BBOF1: variants seen among roughly 807,000 people sequenced by gnomAD.
The protein encoded by BBOF1 is basal body orientation factor 1.
Under a neutral mutation model 68.0 loss-of-function variants are expected in BBOF1, and 62 were observed. That is an observed-to-expected ratio of 0.91 (90% CI 0.74 to 1.13). The LOEUF (loss-of-function observed/expected upper bound fraction) is 1.13, where lower values mean the gene tolerates loss of function less well. Ranked by LOEUF, BBOF1 falls within the 50% of genes most tolerant of loss-of-function variation. The pLI is 0.00. For missense variants in BBOF1, 534 were observed against 600.1 expected, an observed-to-expected ratio of 0.89 and a Z score of 1.15; for synonymous variants, 208 against 198.8, an observed-to-expected ratio of 1.05 and a Z score of -0.39.
intron 2 of BBOF1, among the ~76,000 whole-genome samples, chr14:74,023,396 C>T (rs887772010): frequency 1.3e-5 from 2 of 152,074 alleles, no homozygotes; most frequent in African/African-American, 4.8e-5. Context: ...CATAAGGGAA[C>T]TTTATGATCT....
chr14:74,053,332 C>T lies in BBOF1; in HGVS notation c.1287-2252C>T, dbSNP rs188993496. Among the ~76,000 whole-genome samples, 224 of 151,280 alleles carry T rather than the reference C, an allele frequency of 1.5e-3. 1 individual carries two copies. The highest frequency in any genetic ancestry group is 5.2e-3 in the African/African-American group (215 of 41,210). ...TTCACCATGTCAGCCAAGAAGGTCT[C>T]GCTCTCCTGACCTTGTGATCTGCCT... On this transcript the variant is annotated intron_variant, in intron 8 of 11. Coordinates refer to ENST00000394009, the MANE Select transcript of BBOF1 (RefSeq NM_025057.3).
chr14:74,067,534 G>T, downstream of BBOF1: 1 of 1,614,064 alleles, frequency 6.2e-7, no homozygotes, highest in Non-Finnish European at 8.5e-7. Context: ...TTTCCTTATT[G>T]GCATCTGGCA....
chr14:74,029,213 A>G lies in BBOF1; in HGVS notation c.315A>G (p.Glu105=). Residue 105 remains glutamate (E), a synonymous_variant, in exon 3 of 12, where the codon GAA becomes GAG. Coordinates refer to ENST00000394009, the MANE Select transcript of BBOF1 (RefSeq NM_025057.3). The stretch of plus-strand genomic sequence containing the variant: ...AAAAACTGAAACAGCAATTAAATGA[A>G]ACAAAGGAAAAAGCCCAAGAGGAGA... The part of the protein sequence containing the change: ...MIEKLKQQLN[E]TKEKAQEEKD... The G allele has an allele frequency of 6.4e-7, 1 of 1,562,758 alleles. No homozygotes were observed. Among genetic ancestry groups the G allele is most frequent in the African/African-American group, 1.4e-5 (1 of 73,948 alleles).
At chr14:74,079,230 A>G (rs1249926121) in intron 10 of BBOF1, among the ~76,000 whole-genome samples, 1 of 151,488 alleles carries the variant, frequency 6.6e-6, no homozygotes, top group Non-Finnish European at 1.5e-5. Context: ...TAATCCCAGC[A>G]CTTTGGGAGG....
At chr14:74,071,493 C>A in intron 9 of BBOF1, 2 of 1,613,830 alleles carry the variant, frequency 1.2e-6, no homozygotes, top group South Asian at 2.2e-5. Flanking sequence ...CATGCTCAAC[C>A]ACCTCTGGAA....
intron 2 of BBOF1, among the ~76,000 whole-genome samples, chr14:74,024,714 C>T (rs1309835751): frequency 6.6e-6 from 1 of 151,960 alleles, no homozygotes; most frequent in Admixed American, 6.6e-5. Context: ...GATCCACCCG[C>T]GTTGGCCTCC....
chr14:74,057,490 G>T, intron 11 of BBOF1: 1 of 1,411,554 alleles, frequency 7.1e-7, no homozygotes, highest in Non-Finnish European at 9.2e-7. Flanking sequence ...GAAACCTATA[G>T]GTTGCCTTTT....
chr14:74,071,794 C>A, intron 9 of BBOF1: 1 of 1,496,670 alleles, frequency 6.7e-7, no homozygotes, highest in Non-Finnish European at 9.3e-7. Flanking sequence ...CATGGGATGG[C>A]AAAATCTATG....
chr14:74,037,909 C>T (rs1358807231), intron 4 of BBOF1, among the ~76,000 whole-genome samples: 1 of 150,794 alleles, frequency 6.6e-6, no homozygotes, highest in East Asian at 2.0e-4. Context: ...GAGCTGAGAT[C>T]GTGCCATTGC....
chr14:74,078,845 A>G (rs896306353), intron 10 of BBOF1, among the ~76,000 whole-genome samples: 3 of 151,260 alleles, frequency 2.0e-5, no homozygotes, highest in Non-Finnish European at 4.4e-5. Context: ...TTGTATTTTT[A>G]GTAGAGACAG....
At position 74,049,986 on chromosome 14, in the gene BBOF1, G is replaced by A. The variant is rs1415636690; in HGVS notation, c.1077G>A (p.Val359=). The A allele has an allele frequency of 1.9e-6, 3 of 1,613,998 alleles. No homozygotes were observed. The highest frequency in any genetic ancestry group is 3.3e-5 in the Admixed American group (2 of 59,984). ...AKNILDERTE[V]ERFFLDALHQ... ...ACATACTGGATGAGAGAACAGAAGTGGAAAGATTCTTTTTAGATGCTCTGC... is the reference window on the plus strand; with the variant it reads ...ACATACTGGATGAGAGAACAGAAGTAGAAAGATTCTTTTTAGATGCTCTGC... Residue 359 remains valine, a synonymous_variant, in exon 8 of 12, where the codon GTG becomes GTA. Transcript: ENST00000394009.
intron 2 of BBOF1, among the ~76,000 whole-genome samples, chr14:74,028,568 AT>A (rs1192287416): frequency 2.7e-5 from 4 of 150,794 alleles, no homozygotes; most frequent in Non-Finnish European, 5.9e-5. Flanking sequence ...TAGTATGGGA[AT>A]TTTTTGTACT....
chr14:74,066,359 A>G (rs1316674813), downstream of BBOF1, among the ~76,000 whole-genome samples: 1 of 152,220 alleles, frequency 6.6e-6, no homozygotes, highest in African/African-American at 2.4e-5. Flanking sequence ...AAATTCAAAT[A>G]TCAGTGTCCA....
At position 74,049,763 on chromosome 14, in the gene BBOF1, T is replaced by C. The variant is rs1349782113; in HGVS notation, c.854T>C (p.Ile285Thr). The change falls in exon 8 of 12, where the codon ATC becomes ACC. Residue 285 changes from isoleucine to threonine, a missense_variant. Physicochemically the swap from Ile to Thr is moderately conservative, Grantham distance 89 (BLOSUM62 -1). Coordinates refer to ENST00000394009, the MANE Select transcript of BBOF1 (RefSeq NM_025057.3). ...CAACTTGTCCAGCAGAGATCACAAATCCAAACCCTTCAGAAGAAGGTAGTA... is the reference window on the plus strand; with the variant it reads ...CAACTTGTCCAGCAGAGATCACAAACCCAAACCCTTCAGAAGAAGGTAGTA... ...IMQLVQQRSQIQTLQKKVVNL... is the reference protein window; with the variant it reads ...IMQLVQQRSQTQTLQKKVVNL... 6.2e-7 allele frequency: 1 copy of C among 1,614,112 alleles called. No individual in the cohort carries two copies. The highest frequency in any genetic ancestry group is 1.1e-5 in the South Asian group (1 of 91,080).
At chr14:74,079,288 A>G (rs567844926) in intron 10 of BBOF1, among the ~76,000 whole-genome samples, 1 of 150,656 alleles carries the variant, frequency 6.6e-6, no homozygotes, top group Admixed American at 6.6e-5. Context: ...ACCTGCCTGC[A>G]CTCAATGGAG....
chr14:74,081,947 C>G (rs753202692), intron 12 of BBOF1, among the ~76,000 whole-genome samples: 1 of 152,166 alleles, frequency 6.6e-6, no homozygotes, highest in Non-Finnish European at 1.5e-5. Context: ...CGGTTCGTGC[C>G]TGTAGTCCCA....
intron 2 of BBOF1, among the ~76,000 whole-genome samples, chr14:74,027,035 GTAC>G (rs1481950620): frequency 6.7e-6 from 1 of 149,990 alleles, no homozygotes; most frequent in African/African-American, 2.5e-5. Flanking sequence ...CCACGAGTGT[GTAC>G]TACTAATAAA....
At chr14:74,032,480 C>T (rs1221118029) in intron 3 of BBOF1, among the ~76,000 whole-genome samples, 1 of 147,966 alleles carries the variant, frequency 6.8e-6, no homozygotes, top group East Asian at 2.0e-4. Context: ...TTTCAATTTA[C>T]GTTTCTCTCT....
chr14:74,025,598 A>G (rs1347778769), intron 2 of BBOF1, among the ~76,000 whole-genome samples: 1 of 152,230 alleles, frequency 6.6e-6, no homozygotes, highest in Admixed American at 6.6e-5. Flanking sequence ...TTAATCACAG[A>G]ATAATCTCAT....
Sources: allele counts gnomAD v4.1 joint callset (sites outside exome capture counted in the v4.1 genomes callset), GRCh38; gene constraint gnomAD v4.1.1; transcripts MANE v1.5; gene names NCBI Gene and HGNC (gene_info 2026-07-23, HGNC 2026-07-21).